Variants in JAK2 observed in about 807,000 individuals in gnomAD.
JAK2 encodes tyrosine-protein kinase JAK2.
Under a neutral mutation model 139.3 loss-of-function variants are expected in JAK2, and 86 were observed. The observed-to-expected ratio is 0.62, with a 90% CI of 0.52 to 0.74. The LOEUF (loss-of-function observed/expected upper bound fraction) is 0.74, where lower values mean the gene tolerates loss of function less well. Ranked by LOEUF, JAK2 falls within the 30% of genes least tolerant of loss-of-function variation. The pLI is 0.00. For synonymous variants in JAK2, 490 were observed against 437.7 expected (o/e 1.12, Z -1.49); for missense variants, 1,421 against 1,360.3 (o/e 1.04, Z -0.70).
At chr9:5,006,551 G>A (rs1217499664) in intron 2 of JAK2, among the ~76,000 whole-genome samples, 1 of 152,114 alleles carries the variant, frequency 6.6e-6, no homozygotes, top group East Asian at 1.9e-4. Context: ...CTGTACACAA[G>A]GCATGGCTGG....
intron 8 of JAK2, among the ~76,000 whole-genome samples, chr9:5,057,665 C>G (rs1817865028): frequency 6.7e-6 from 1 of 149,484 alleles, no homozygotes. Flanking sequence ...TCACTGTAAC[C>G]TGTGCCTCCT....
intron 4 of JAK2, among the ~76,000 whole-genome samples, chr9:5,038,733 G>A (rs1479834510): frequency 6.6e-6 from 1 of 151,730 alleles, no homozygotes; most frequent in Non-Finnish European, 1.5e-5. Context: ...TAAAGGTTTT[G>A]AATTTTGGAG....
chr9:5,115,062 G>A (rs1586827629), intron 22 of JAK2, among the ~76,000 whole-genome samples: 2 of 152,162 alleles, frequency 1.3e-5, no homozygotes, highest in African/African-American at 4.8e-5. Flanking sequence ...AGCCAAAATA[G>A]ACAGATGGGA....
Position 4,987,463 on chromosome 9 carries a change from T to C in JAK2, c.-26+1441T>C, listed in dbSNP as rs544098820. ...GAGTTGCATTATTTACGGCTGGTCA[T>C]GGTGGCTCACGCCTGTAATCCCAGC... On this transcript the variant is annotated intron_variant, in intron 2 of 24. Transcript: ENST00000381652. 2.0e-3 allele frequency among the ~76,000 whole-genome samples: 300 copies of C among 152,156 alleles called. 1 individual carries two copies. Among genetic ancestry groups the C allele is most frequent in the African/African-American group, 6.9e-3 (285 of 41,500 alleles).
At chr9:5,047,054 G>C (rs1353013475) in intron 5 of JAK2, among the ~76,000 whole-genome samples, 1 of 152,010 alleles carries the variant, frequency 6.6e-6, no homozygotes, top group Admixed American at 6.6e-5. Context: ...AGCATGGCAA[G>C]GTAATTCCAC....
At chr9:5,002,018 C>G (rs1820954555) in intron 2 of JAK2, among the ~76,000 whole-genome samples, 1 of 151,778 alleles carries the variant, frequency 6.6e-6, no homozygotes, top group Non-Finnish European at 1.5e-5. Flanking sequence ...TAGCGATATC[C>G]TGCTTTTTTT....
chr9:5,045,875 C>G lies in JAK2; in HGVS notation c.468+1355C>G, dbSNP rs191913383. 3.1e-4 allele frequency among the ~76,000 whole-genome samples: 47 copies of G among 152,066 alleles called. No homozygotes were observed. The East Asian group carries it at 6.9e-3, about 22-fold the overall frequency. On this transcript the variant is annotated intron_variant, in intron 5 of 24. Transcript: ENST00000381652. Reference sequence around the variant, plus strand: ...GGGTAAACAAATATTTCCTTGAGTCCCTGTTTTCAGTTCTTTTCAATATAT... The same window carrying G: ...GGGTAAACAAATATTTCCTTGAGTCGCTGTTTTCAGTTCTTTTCAATATAT...
chr9:5,126,101 C>A, intron 23 of JAK2: 1 of 369,302 alleles, frequency 2.7e-6, no homozygotes, highest in Admixed American at 4.5e-5. Flanking sequence ...GTTTTGAGCC[C>A]TCCTCAGGGG....
chr9:5,045,498 C>A (rs1255171225), intron 5 of JAK2, among the ~76,000 whole-genome samples: 2 of 152,186 alleles, frequency 1.3e-5, no homozygotes, highest in Non-Finnish European at 2.9e-5. Flanking sequence ...GTACAACCAT[C>A]ACCACCATCC....
At chr9:5,078,777 G>A (rs568551600) in intron 16 of JAK2, among the ~76,000 whole-genome samples, 12 of 151,864 alleles carry the variant, frequency 7.9e-5, no homozygotes, top group South Asian at 2.1e-4. Context: ...TTTTCTTCTC[G>A]TCACTAAATA....
chr9:5,001,383 A>T (rs1185606055), intron 2 of JAK2, among the ~76,000 whole-genome samples: 2 of 152,094 alleles, frequency 1.3e-5, no homozygotes, highest in East Asian at 3.8e-4. Context: ...TATTTCCAGA[A>T]ATTTTATCAT....
intron 18 of JAK2, 147 bp downstream of exon 18, chr9:5,080,830 C>T: frequency 2.1e-6 from 1 of 470,494 alleles, no homozygotes; most frequent in Non-Finnish European, 3.6e-6. Context: ...GCTTTTCATG[C>T]TTTATACATA....
intron 22 of JAK2, among the ~76,000 whole-genome samples, chr9:5,122,762 T>A (rs1213154445): frequency 6.6e-6 from 1 of 152,014 alleles, no homozygotes; most frequent in Non-Finnish European, 1.5e-5. Flanking sequence ...AACCGTATTG[T>A]TTGTACAAAC....
chr9:5,009,873 C>G (rs944317412), intron 2 of JAK2, among the ~76,000 whole-genome samples: 17 of 151,912 alleles, frequency 1.1e-4, no homozygotes, highest in Admixed American at 7.2e-4. Flanking sequence ...TAAGCTTAAG[C>G]CGTCCTCCCA....
In JAK2 at chr9:5,081,770, T is replaced by G; in HGVS notation, c.2480T>G (p.Ile827Arg). The stretch of plus-strand genomic sequence containing the variant: ...AATGACATGTTACCAAATATGAGGA[T>G]AGGTGCCCTGGGGTTTTCTGGTGCC... ...TENDMLPNMR[I>R]GALGFSGAFE... Residue 827 changes from isoleucine (I) to arginine (R), a missense_variant, in exon 19 of 25, where the codon ATA (isoleucine) becomes AGA (arginine). By Grantham distance (97) the Ile-to-Arg change is moderately conservative (BLOSUM62 -3). Coordinates refer to ENST00000381652, the MANE Select transcript of JAK2 (RefSeq NM_004972.4). 6.2e-7 allele frequency: 1 copy of G among 1,602,624 alleles called. No homozygotes were observed. Among genetic ancestry groups the G allele is most frequent in the Non-Finnish European group, 8.5e-7 (1 of 1,169,626 alleles).
chr9:5,054,421 A>C lies in JAK2; in HGVS notation c.615-142A>C, dbSNP rs1251420211. 1 of 621,040 alleles carries C rather than the reference A, an allele frequency of 1.6e-6. No individual in the cohort carries two copies. The highest frequency in any genetic ancestry group is 1.8e-5 in the African/African-American group (1 of 54,092). 38.5% of individuals were successfully genotyped at this position (621,040 alleles called of 1,614,324 possible). ...GTTTTATACTGTATGGATGGGGGTT[A>C]TGTCAACTTACGCCACTTGGCCACT... is the stretch of plus-strand genomic sequence containing the variant. On this transcript the variant is annotated intron_variant, in intron 6 of 24. Transcript: ENST00000381652. This position sits in a 1 kb window ranked among gnomAD's most constrained non-coding sequence, Gnocchi z 4.9.
intron 10 of JAK2, among the ~76,000 whole-genome samples, chr9:5,068,643 A>C (rs543210044): frequency 9.2e-5 from 14 of 152,342 alleles, no homozygotes; most frequent in Middle Eastern, 3.4e-3. Context: ...CGTAGGTTGT[A>C]TGTTGGCAGT....
chr9:5,021,227 G>A (rs1048635526), intron 2 of JAK2, among the ~76,000 whole-genome samples: 6 of 152,038 alleles, frequency 3.9e-5, no homozygotes, highest in Non-Finnish European at 5.9e-5. Context: ...TTGAATTTCC[G>A]TGTTCTCTCT....
chr9:5,112,625 C>G (rs1256384497), intron 22 of JAK2: 3 of 981,904 alleles, frequency 3.1e-6, no homozygotes, highest in Non-Finnish European at 4.4e-6. Flanking sequence ...GCAACTGCAC[C>G]TCAACAGCGA....
Sources: allele counts gnomAD v4.1 joint callset (sites outside exome capture counted in the v4.1 genomes callset), GRCh38; gene constraint gnomAD v4.1.1; non-coding constraint Gnocchi (gnomAD v3.1); transcripts MANE v1.5; gene names NCBI Gene and HGNC (gene_info 2026-07-23, HGNC 2026-07-21).